The following SMYD1 variants were observed in gnomAD, a reference collection of about 807,000 sequenced individuals.
SMYD1 encodes the protein SET and MYND domain containing 1.
In SMYD1, 49 loss-of-function variants were observed where a neutral mutation model predicts 54.0. The observed-to-expected ratio is 0.91, with a 90% CI of 0.72 to 1.15. The LOEUF is 1.15. Among genes scored for constraint, SMYD1 ranks in the 50% most tolerant of loss-of-function variants. The probability of loss-of-function intolerance (pLI) is 0.00; values close to 1 mark genes in which losing one functional copy is unlikely to be tolerated. For synonymous variants in SMYD1, 269 were observed against 234.2 expected, an observed-to-expected ratio of 1.15 and a Z score of -1.36; for missense variants, 653 against 639.6, an observed-to-expected ratio of 1.02 and a Z score of -0.23.
rs1673885314 is a variant in SMYD1 at position 88,068,689 on chromosome 2, G to A, written c.137+688G>A. Among the ~76,000 whole-genome samples, 4 of 149,980 alleles carry A rather than the reference G, an allele frequency of 2.7e-5. No individual in the cohort carries two copies. The South Asian group carries it at 8.4e-4, about 31-fold the overall frequency. On this transcript the variant is annotated intron_variant, in intron 1 of 9. Transcript: ENST00000419482. Reference sequence around the variant, plus strand: ...ACTCACTCTTTTCCCTAAACAACACGTTTTTGATGTCTATCCTTGCAGGAA... The same window carrying A: ...ACTCACTCTTTTCCCTAAACAACACATTTTTGATGTCTATCCTTGCAGGAA...
chr2:88,100,422 A>G lies in SMYD1; in HGVS notation c.889-2636A>G, dbSNP rs140408528. On this transcript the variant is annotated intron_variant, in intron 6 of 9. Coordinates refer to ENST00000419482, the MANE Select transcript of SMYD1 (RefSeq NM_198274.4). ...TAATCTATCCTACAAGCTTCTGATT[A>G]CTCCAGAAGATTCACTAAGAATTTT... Among the ~76,000 whole-genome samples, 23 of 152,310 alleles carry G rather than the reference A, an allele frequency of 1.5e-4. No homozygotes were observed. In the East Asian group the frequency reaches 4.2e-3, roughly 28 times the overall value.
At chr2:88,085,182 G>C (rs1273038102) in intron 2 of SMYD1, among the ~76,000 whole-genome samples, 1 of 152,070 alleles carries the variant, frequency 6.6e-6, no homozygotes, top group Non-Finnish European at 1.5e-5. Context: ...AAATAGGCTA[G>C]AGCTGAGTAG....
intron 2 of SMYD1, among the ~76,000 whole-genome samples, chr2:88,087,514 T>C (rs1674358773): frequency 1.3e-5 from 2 of 152,176 alleles, no homozygotes; most frequent in Admixed American, 6.5e-5. Flanking sequence ...CCTGAAGTGC[T>C]CTTTCTCCAG....
intron 8 of SMYD1, 129 bp downstream of exon 8, chr2:88,106,617 G>A (rs1674877255): frequency 1.0e-6 from 1 of 973,116 alleles, no homozygotes; most frequent in Admixed American, 2.6e-5. Context: ...ATCCATCATG[G>A]TTCTCTTTTT....
rs1254344884 is a variant in SMYD1 at position 88,103,963 on chromosome 2, C to T, written c.981+813C>T. ...GATTAATTTCTATTCATTTCTATTT[C>T]TATTTCTTTTTTTTTTTTTTTGAGA... On this transcript the variant is annotated intron_variant, in intron 7 of 9. Coordinates refer to ENST00000419482, the MANE Select transcript of SMYD1 (RefSeq NM_198274.4). Among the ~76,000 whole-genome samples the T allele has an allele frequency of 2.6e-5, 4 of 151,134 alleles. No homozygotes were observed. In the South Asian group the frequency reaches 8.4e-4, roughly 32 times the overall value.
intron 1 of SMYD1, among the ~76,000 whole-genome samples, chr2:88,073,481 T>G (rs1294950943): frequency 6.6e-6 from 1 of 152,358 alleles, no homozygotes; most frequent in Non-Finnish European, 1.5e-5. Flanking sequence ...TTGAGAACTC[T>G]CCAGGCTGCT....
In SMYD1 at chr2:88,108,465, G is replaced by C. The variant is rs545286977; in HGVS notation, c.1240G>C (p.Gly414Arg). Residue 414 changes from glycine (G) to arginine (R), a missense_variant, in exon 9 of 10, where the codon GGG becomes CGG. Gly to Arg is a moderately radical substitution (Grantham distance 125). Coordinates refer to ENST00000419482, the MANE Select transcript of SMYD1 (RefSeq NM_198274.4). ...TGCTGGTAACATTGAGGTGGGGCAC[G>C]GGATGATCTGCAAAGCCTATGCCAT... ...WHAGNIEVGH[G>R]MICKAYAILL... 4.3e-6 allele frequency: 7 copies of C among 1,612,650 alleles called. No individual in the cohort carries two copies. The African/African-American group carries it at 6.7e-5, about 15-fold the overall frequency.
intron 6 of SMYD1, 120 bp downstream of exon 6, chr2:88,096,904 C>G (rs998059545): frequency 5.0e-6 from 5 of 1,007,314 alleles, no homozygotes; most frequent in Non-Finnish European, 7.1e-6. Flanking sequence ...AACTGTCACC[C>G]TGGGGAGGAG....
intron 1 of SMYD1, among the ~76,000 whole-genome samples, chr2:88,072,683 G>A (rs1673975804): frequency 6.6e-6 from 1 of 152,062 alleles, no homozygotes; most frequent in Non-Finnish European, 1.5e-5. Flanking sequence ...TGATTTCTTA[G>A]TAGTGAATAA....
At chr2:88,107,664 C>T (rs192777591) in intron 8 of SMYD1, among the ~76,000 whole-genome samples, 25 of 152,344 alleles carry the variant, frequency 1.6e-4, no homozygotes, top group Admixed American at 1.6e-3. Flanking sequence ...CCCCCAGCCT[C>T]GCTGCCGCCT....
intron 1 of SMYD1, among the ~76,000 whole-genome samples, chr2:88,070,958 A>C (rs1673934800): frequency 6.6e-6 from 1 of 151,594 alleles, no homozygotes; most frequent in African/African-American, 2.4e-5. Flanking sequence ...AAAAAAAAAA[A>C]AAAAAAAAAC....
chr2:88,087,499 C>T (rs1447210917), intron 2 of SMYD1, among the ~76,000 whole-genome samples: 1 of 152,198 alleles, frequency 6.6e-6, no homozygotes, highest in African/African-American at 2.4e-5. Context: ...TACTCACTGC[C>T]CTCTCCTGAA....
chr2:88,073,193 G>C (rs557107526), intron 1 of SMYD1, among the ~76,000 whole-genome samples: 1 of 152,274 alleles, frequency 6.6e-6, no homozygotes, highest in South Asian at 2.1e-4. Flanking sequence ...ATTTGCTTAG[G>C]AGAATGGCCT....
In SMYD1 at chr2:88,093,653, A is replaced by G. The variant is rs1016388731; in HGVS notation, c.698+98A>G. 1.3e-5 allele frequency: 18 copies of G among 1,334,764 alleles called. No homozygotes were observed. The African/African-American group carries it at 1.9e-4, about 14-fold the overall frequency. The allele number at this position is 1,334,764 out of a possible 1,614,324, so 82.7% of individuals were successfully genotyped here. On this transcript the variant is annotated intron_variant, in intron 5 of 9. Transcript: ENST00000419482. ...CCATTCCCGAGACTTCTTGGCTGCC[A>G]TCTGTCCATAACGTCCTTCTGCATC...
intron 2 of SMYD1, among the ~76,000 whole-genome samples, chr2:88,085,994 G>A (rs1237024706): frequency 6.6e-6 from 1 of 152,172 alleles, no homozygotes; most frequent in Non-Finnish European, 1.5e-5. Context: ...GGGACAGAAG[G>A]GACCCTGAGG....
chr2:88,088,271 T>C (rs970947507), intron 3 of SMYD1, among the ~76,000 whole-genome samples, 196 bp downstream of exon 3: 4 of 152,186 alleles, frequency 2.6e-5, no homozygotes, highest in Middle Eastern at 3.2e-3. Context: ...CCGCCTTCTA[T>C]TTACCGCATG....
chr2:88,101,424 T>A (rs994805899), intron 6 of SMYD1, among the ~76,000 whole-genome samples: 1 of 152,156 alleles, frequency 6.6e-6, no homozygotes, highest in Non-Finnish European at 1.5e-5. Flanking sequence ...TACAATATAC[T>A]GAGTGAAAAA....
At chr2:88,079,197 CT>C (rs1674133561) in intron 1 of SMYD1, among the ~76,000 whole-genome samples, 1 of 152,228 alleles carries the variant, frequency 6.6e-6, no homozygotes, top group African/African-American at 2.4e-5. Flanking sequence ...GTGAAGGCTG[CT>C]TTGCAGCAGC....
At chr2:88,072,383 T>C (rs1433331228) in intron 1 of SMYD1, among the ~76,000 whole-genome samples, 1 of 152,210 alleles carries the variant, frequency 6.6e-6, no homozygotes, top group East Asian at 1.9e-4. Flanking sequence ...ACTCCCGGCC[T>C]CAAGTGATCT....
Sources: gnomAD v4.1 joint callset for allele counts (sites outside exome capture counted in the v4.1 genomes callset) on GRCh38, gnomAD v4.1.1 for gene constraint, MANE v1.5 for transcripts, NCBI Gene and HGNC (gene_info 2026-07-23, HGNC 2026-07-21) for gene names.